PHF1: variants seen among roughly 807,000 people sequenced by gnomAD.
PHF1 encodes PHD finger protein 1.
In PHF1, 16 loss-of-function variants were observed where a neutral mutation model predicts 69.4. The observed-to-expected ratio is 0.23, with a 90% CI of 0.16 to 0.35. The LOEUF (loss-of-function observed/expected upper bound fraction) is 0.35. Among genes scored for constraint, PHF1 ranks in the 10% least tolerant of loss-of-function variants. The pLI, the probability that PHF1 is intolerant of heterozygous loss-of-function variation, is 1.00. For missense variants in PHF1, 515 were observed against 732.8 expected, an observed-to-expected ratio of 0.70 and a Z score of 3.43; for synonymous variants, 274 against 275.0, an observed-to-expected ratio of 1.00 and a Z score of 0.04.
At chr6:33,413,666 A>C in intron 6 of PHF1, 70 bp from the exon 7 acceptor site, 1 of 1,596,428 alleles carries the variant, frequency 6.3e-7, no homozygotes, top group Non-Finnish European at 8.6e-7. Flanking sequence ...GATAGGAGGT[A>C]AGTTTAGGGT....
Position 33,414,426 on chromosome 6 carries a change from A to G in PHF1, c.877-51A>G. ...GACAGGGAGATGTAGCGGAAAGGGG[A>G]AGAGAAGAAATCACTGCTCCCCTGG... On this transcript the variant is annotated intron_variant, in intron 9 of 14. Coordinates refer to ENST00000374516, the MANE Select transcript of PHF1 (RefSeq NM_024165.3). The surrounding 1 kb of genome is among the most constrained non-coding windows in gnomAD (Gnocchi z 5.0). 1 of 1,613,572 alleles carries G rather than the reference A, an allele frequency of 6.2e-7. No individual in the cohort carries two copies. The highest frequency in any genetic ancestry group is 8.5e-7 in the Non-Finnish European group (1 of 1,179,692).
Position 33,412,143 on chromosome 6 carries a change from C to G in PHF1, c.-16-105C>G. 1.2e-6 allele frequency: 1 copy of G among 856,304 alleles called. No homozygotes were observed. The highest frequency in any genetic ancestry group is 1.8e-6 in the Non-Finnish European group (1 of 567,296). The allele number at this position is 856,304 out of a possible 1,614,324, so 53.0% of individuals were successfully genotyped here. ...TGCCACTGCACTCTGGCCTGGGCGA[C>G]AGAGCAAAACTCCATCTCAGGAAAA... On this transcript the variant is annotated intron_variant, in intron 1 of 14. Coordinates refer to ENST00000374516, the MANE Select transcript of PHF1 (RefSeq NM_024165.3). The surrounding 1 kb of genome is among the most constrained non-coding windows in gnomAD (Gnocchi z 4.2).
rs983183933 is a variant in PHF1, at chr6:33,414,976, T to G, written c.1071T>G (p.Pro357=). The G allele has an allele frequency of 5.2e-6, 8 of 1,545,146 alleles. No homozygotes were observed. Among genetic ancestry groups the G allele is most frequent in the Non-Finnish European group, 7.0e-6 (8 of 1,144,872 alleles). The change falls in exon 12 of 15, where the codon CCT becomes CCG. Residue 357 remains proline (P), a synonymous_variant. Transcript: ENST00000374516. The surrounding 1 kb of genome is among the most constrained non-coding windows in gnomAD (Gnocchi z 5.0). ...ALTSFPSGQG[P]GGGVSRPLGK... ...ACAGCTTCCCTTCAGGGCAGGGCCC[T>G]GGGGGAGGGGTCTCACGTCCCCTGG...
In PHF1 at chr6:33,416,068, G is replaced by A. The variant is rs1776452327; in HGVS notation, c.1674G>A (p.Leu558=). ...RVRPDGSVQY[L]VEWGGGGIF ...GGCCTGATGGCTCTGTGCAGTACCT[G>A]GTTGAGTGGGGAGGAGGGGGCATCT... is the stretch of plus-strand genomic sequence containing the variant. Residue 558 remains leucine, a synonymous_variant, in exon 15 of 15, where the codon CTG becomes CTA. Transcript: ENST00000374516. 6.4e-7 allele frequency: 1 copy of A among 1,564,104 alleles called. No individual in the cohort carries two copies. Among genetic ancestry groups the A allele is most frequent in the South Asian group, 1.2e-5 (1 of 85,612 alleles).
chr6:33,413,839 C>G lies in PHF1; in HGVS notation c.683+8C>G, dbSNP rs1222758958. ...CCTCCTCTATGGGGACAGGTGAGAC[C>G]AAGGCAGACTCTCTAGGAGCCAAGG... is the stretch of plus-strand genomic sequence containing the variant. On this transcript the variant is annotated splice_region_variant and intron_variant, in intron 7 of 14. Transcript: ENST00000374516. 1.2e-6 allele frequency: 2 copies of G among 1,610,248 alleles called. No individual in the cohort carries two copies. Among genetic ancestry groups the G allele is most frequent in the Non-Finnish European group, 1.7e-6 (2 of 1,177,100 alleles).
At position 33,415,041 on chromosome 6, in the gene PHF1, G is replaced by A. The variant is rs78862138; in HGVS notation, c.1136G>A (p.Arg379Lys). ...RRPEPEPLRR[R>K]QKGKVEELGP... is the part of the protein sequence containing the mutation. ...CCGGAGCCAGAGCCCCTGAGGAGGA[G>A]GCAGAAGGGGAAAGTGGAGGAGCTG... The change falls in exon 12 of 15, where the codon AGG (arginine) becomes AAG (lysine). Residue 379 changes from arginine (R) to lysine (K), a missense_variant. Arg to Lys is a conservative substitution (Grantham distance 26). Transcript: ENST00000374516. The A allele has an allele frequency of 3.8e-3, 6,101 of 1,593,978 alleles. 70 individuals carry two copies. Among genetic ancestry groups the A allele is most frequent in the African/African-American group, 0.034 (2,559 of 74,248 alleles).
chr6:33,410,627 G>A, upstream of PHF1: 1 of 149,838 alleles, frequency 6.7e-6, no homozygotes, highest in African/African-American at 2.5e-5. Flanking sequence ...AAGGGTGAAT[G>A]GAGGGCGGGG....
At position 33,414,591 on chromosome 6, in the gene PHF1, GGA is replaced by G. The variant is rs1325270545; in HGVS notation, c.944+51_944+52del. ...GCAAGGATGAGGCTCGGAAAGAGAT[GGA>G]GAGTGGAAGCCTGGAAGGGGAGGGG... is the stretch of plus-strand genomic sequence containing the variant. On this transcript the variant is annotated intron_variant, in intron 10 of 14. Transcript: ENST00000374516. The surrounding 1 kb of genome is among the most constrained non-coding windows in gnomAD (Gnocchi z 5.0). 1.4e-5 allele frequency: 22 copies of G among 1,599,406 alleles called. No homozygotes were observed. The highest frequency in any genetic ancestry group is 1.7e-5 in the Non-Finnish European group (20 of 1,167,048).
Position 33,413,434 on chromosome 6 carries a change from C to T in PHF1, c.464C>T (p.Pro155Leu), listed in dbSNP as rs1273026977. The T allele has an allele frequency of 6.2e-7, 1 of 1,614,208 alleles. No homozygotes were observed. Among genetic ancestry groups the T allele is most frequent in the African/African-American group, 1.3e-5 (1 of 75,048 alleles). Residue 155 changes from proline (P) to leucine (L), a missense_variant, in exon 6 of 15, where the codon CCC becomes CTC. Physicochemically the swap from Pro to Leu is moderately conservative, Grantham distance 98. Around this residue, in one of 5 missense-constraint regions of PHF1, gnomAD observed 142 missense variants for 309.7 expected, o/e 0.46. Transcript: ENST00000374516. The part of the protein sequence containing the change: ...TKRGGALKKG[P>L]YARAMLGMKL... ...AGGGGAGGTGCCCTGAAGAAGGGCC[C>T]CTATGCCCGGGCCATGCTGGGTATG...
At chr6:33,415,178 G>C (rs116199362) in intron 12 of PHF1, 34 bp downstream of exon 12, 32,228 of 1,613,490 alleles carry the variant, frequency 0.02, 767 homozygotes, top group South Asian at 0.091. Context: ...TGGAGCAAAT[G>C]GTGGGGTGTG....
Position 33,412,171 on chromosome 6 carries a change from A to G in PHF1, c.-16-77A>G, listed in dbSNP as rs943535861. 3.2e-5 allele frequency: 37 copies of G among 1,159,646 alleles called. No homozygotes were observed. The African/African-American group carries it at 5.0e-4, about 16-fold the overall frequency. The allele number at this position is 1,159,646 out of a possible 1,614,324, so 71.8% of individuals were successfully genotyped here. The stretch of plus-strand genomic sequence containing the variant: ...AGCAAAACTCCATCTCAGGAAAAAA[A>G]AAAAAAAAAGAAAAAGAAAATGGGG... On this transcript the variant is annotated intron_variant, in intron 1 of 14. Transcript: ENST00000374516. This position sits in a 1 kb window ranked among gnomAD's most constrained non-coding sequence, Gnocchi z 4.2.
chr6:33,415,544 C>T (rs372895249), intron 13 of PHF1, 46 bp from the exon 14 acceptor site: 139 of 1,589,772 alleles, frequency 8.7e-5, no homozygotes, highest in Non-Finnish European at 1.2e-4. Flanking sequence ...GGGAGAAGGT[C>T]CTGTTCCCCT....
intron 6 of PHF1, 33 bp from the exon 7 acceptor site, chr6:33,413,703 T>G: frequency 6.2e-7 from 1 of 1,607,298 alleles, no homozygotes; most frequent in Non-Finnish European, 8.5e-7. Context: ...GAAGGGGGTT[T>G]CTGGAGGCCA....
In PHF1 at chr6:33,414,678, C is replaced by T; in HGVS notation, c.945-47C>T. The T allele has an allele frequency of 1.3e-6, 2 of 1,571,070 alleles. No individual in the cohort carries two copies. The highest frequency in any genetic ancestry group is 2.2e-5 in the East Asian group (1 of 44,626). On this transcript the variant is annotated intron_variant, in intron 10 of 14. Coordinates refer to ENST00000374516, the MANE Select transcript of PHF1 (RefSeq NM_024165.3). The surrounding 1 kb of genome is among the most constrained non-coding windows in gnomAD (Gnocchi z 5.0). ...GATTGAGGAATGGCGTAAGGAGGAA[C>T]CGTTTTTTACAGCACTGACCCTATA... is the stretch of plus-strand genomic sequence containing the variant.
At position 33,415,926 on chromosome 6, in the gene PHF1, C is replaced by T; in HGVS notation, c.1532C>T (p.Ser511Leu). The T allele has an allele frequency of 1.2e-6, 2 of 1,614,170 alleles. No individual in the cohort carries two copies. The highest frequency in any genetic ancestry group is 1.1e-5 in the South Asian group (1 of 91,088). ...SSPSPGLPRR[S>L]APPSPLCRSL... Reference sequence around the variant, plus strand: ...CCATCCCCAGGTCTTCCTAGACGCTCAGCACCCCCTTCTCCCCTGTGCCGT... The same window carrying T: ...CCATCCCCAGGTCTTCCTAGACGCTTAGCACCCCCTTCTCCCCTGTGCCGT... The change falls in exon 15 of 15, where the codon TCA (serine) becomes TTA (leucine). Residue 511 changes from serine to leucine, a missense_variant. Transcript: ENST00000374516.
chr6:33,414,608 A>G lies in PHF1; in HGVS notation c.944+64A>G. On this transcript the variant is annotated intron_variant, in intron 10 of 14. Coordinates refer to ENST00000374516, the MANE Select transcript of PHF1 (RefSeq NM_024165.3). This position sits in a 1 kb window ranked among gnomAD's most constrained non-coding sequence, Gnocchi z 5.0. ...AAAGAGATGGAGAGTGGAAGCCTGG[A>G]AGGGGAGGGGCTTGCAACCCACCTG... is the stretch of plus-strand genomic sequence containing the variant. 1.9e-6 allele frequency: 3 copies of G among 1,581,546 alleles called. No individual in the cohort carries two copies. The highest frequency in any genetic ancestry group is 2.6e-6 in the Non-Finnish European group (3 of 1,152,656).
rs1275555864 is a variant in PHF1 at position 33,414,672 on chromosome 6, G to C, written c.945-53G>C. The C allele has an allele frequency of 4.5e-6, 7 of 1,568,392 alleles. No homozygotes were observed. The highest frequency in any genetic ancestry group is 6.1e-6 in the Non-Finnish European group (7 of 1,140,250). On this transcript the variant is annotated intron_variant, in intron 10 of 14. Transcript: ENST00000374516. The surrounding 1 kb of genome is among the most constrained non-coding windows in gnomAD (Gnocchi z 5.0). ...GAAAAGGATTGAGGAATGGCGTAAG[G>C]AGGAACCGTTTTTTACAGCACTGAC...
chr6:33,414,186 C>A lies in PHF1; in HGVS notation c.753-57C>A. ...CTCTATATGCCCCAACCTCCCACCT[C>A]AGGACTCCCCTGGCTCTTAAAATGC... On this transcript the variant is annotated intron_variant, in intron 8 of 14. Coordinates refer to ENST00000374516, the MANE Select transcript of PHF1 (RefSeq NM_024165.3). The surrounding 1 kb of genome is among the most constrained non-coding windows in gnomAD (Gnocchi z 5.0). 6.2e-7 allele frequency: 1 copy of A among 1,613,958 alleles called. No individual in the cohort carries two copies. The highest frequency in any genetic ancestry group is 1.3e-5 in the African/African-American group (1 of 75,042).
chr6:33,414,004 T>G lies in PHF1; in HGVS notation c.684-37T>G. On this transcript the variant is annotated intron_variant, in intron 7 of 14. Transcript: ENST00000374516. This position sits in a 1 kb window ranked among gnomAD's most constrained non-coding sequence, Gnocchi z 5.0. ...CTTCCAGGGGATGGCACAGTTTTCC[T>G]GTGTAAGTGTGTTTGCTCCCTCTTG... The G allele has an allele frequency of 4.3e-6, 7 of 1,612,660 alleles. No homozygotes were observed. Among genetic ancestry groups the G allele is most frequent in the Non-Finnish European group, 5.9e-6 (7 of 1,179,104 alleles).
Sources: allele counts gnomAD v4.1 joint callset, GRCh38; gene constraint gnomAD v4.1.1; regional missense constraint gnomAD v4.1.1; non-coding constraint Gnocchi (gnomAD v3.1); transcripts MANE v1.5; gene names NCBI Gene and HGNC (gene_info 2026-07-23, HGNC 2026-07-21).